SAMD5: variants seen among roughly 807,000 people sequenced by gnomAD.
The protein encoded by SAMD5 is sterile alpha motif domain-containing protein 5.
A neutral mutation model predicts 11.3 loss-of-function variants in SAMD5; 13 were observed. The ratio of observed to expected loss-of-function variants is 1.15; its 90% CI spans 0.75 to 1.83. SAMD5 has a LOEUF of 1.83. Ranked by LOEUF, SAMD5 falls within the 40% of genes most tolerant of loss-of-function variation. SAMD5 has a pLI of 0.00. For synonymous variants in SAMD5, 129 were observed against 111.3 expected (o/e 1.16, Z -1.00); for missense variants, 255 against 239.1 (o/e 1.07, Z -0.44).
the SAMD5 span, among the ~76,000 whole-genome samples, chr6:147,831,453 G>A: frequency 2.0e-5 from 3 of 152,086 alleles, no homozygotes; most frequent in Non-Finnish European, 4.4e-5. Flanking sequence ...AACATCTCAC[G>A]GCTTAAGATG....
chr6:147,863,636 C>A, the SAMD5 span, among the ~76,000 whole-genome samples: 2 of 151,316 alleles, frequency 1.3e-5, no homozygotes, highest in Non-Finnish European at 2.9e-5. Flanking sequence ...TTTTTTCAGG[C>A]AGACATTTAT....
the SAMD5 span, among the ~76,000 whole-genome samples, chr6:147,758,441 A>C: frequency 1.3e-5 from 2 of 152,244 alleles, no homozygotes; most frequent in African/African-American, 4.8e-5. Flanking sequence ...CTTCATAAAG[A>C]AATGAGGCAT....
chr6:147,643,666 C>G (rs929446016), intron 1 of SAMD5, among the ~76,000 whole-genome samples: 2 of 150,294 alleles, frequency 1.3e-5, no homozygotes, highest in Non-Finnish European at 2.9e-5. Flanking sequence ...TTTTGTTACT[C>G]AGAATTTGGT....
At chr6:147,796,169 A>C in the SAMD5 span, among the ~76,000 whole-genome samples, 2 of 150,420 alleles carry the variant, frequency 1.3e-5, no homozygotes, top group Non-Finnish European at 2.9e-5. Context: ...GGTAATGCCT[A>C]GGTTTTCTTC....
At chr6:147,787,287 A>G in the SAMD5 span, among the ~76,000 whole-genome samples, 1 of 152,184 alleles carries the variant, frequency 6.6e-6, no homozygotes, top group Admixed American at 6.5e-5. Context: ...ATGGAGCAGG[A>G]CAGTGCCTCT....
At chr6:147,630,931 G>A (rs114095415) in intron 1 of SAMD5, among the ~76,000 whole-genome samples, 5,670 of 151,546 alleles carry the variant, frequency 0.037, 135 homozygotes, top group South Asian at 0.056. Flanking sequence ...TAATCACTGC[G>A]GGGATGCCTG....
the SAMD5 span, among the ~76,000 whole-genome samples, chr6:147,933,670 T>C: frequency 6.6e-6 from 1 of 152,144 alleles, no homozygotes; most frequent in African/African-American, 2.4e-5. Flanking sequence ...TCTCAAAATA[T>C]CCTAGAGTAA....
At chr6:147,770,257 T>G in the SAMD5 span, among the ~76,000 whole-genome samples, 1 of 143,490 alleles carries the variant, frequency 7.0e-6, no homozygotes, top group Non-Finnish European at 1.5e-5. Flanking sequence ...TACTTTAATT[T>G]TTTTTAAAAA....
At chr6:147,660,603 C>T (rs1322294326) in intron 1 of SAMD5, 1 of 152,208 alleles carries the variant, frequency 6.6e-6, no homozygotes, top group African/African-American at 2.4e-5. Flanking sequence ...GTAATTGGAT[C>T]ATAAGGGCGG....
intron 1 of SAMD5, among the ~76,000 whole-genome samples, chr6:147,685,572 C>A (rs56364049): frequency 0.049 from 7,442 of 152,222 alleles, 272 homozygotes; most frequent in Non-Finnish European, 0.075. Context: ...GATAACTTTG[C>A]CTTCTTGGAG....
chr6:147,804,111 CTTTT>C, the SAMD5 span, among the ~76,000 whole-genome samples: 6 of 132,104 alleles, frequency 4.5e-5, no homozygotes, highest in East Asian at 2.2e-4. Flanking sequence ...TTGAAGATAT[CTTTT>C]TTTTTTTTTT....
intron 1 of SAMD5, among the ~76,000 whole-genome samples, chr6:147,698,813 A>G (rs909112195): frequency 4.6e-5 from 7 of 152,210 alleles, no homozygotes; most frequent in Non-Finnish European, 8.8e-5. Flanking sequence ...ATTAAACAGG[A>G]TGCTCTATGG....
At chr6:147,593,432 C>A (rs1336537425) in intron 1 of SAMD5, among the ~76,000 whole-genome samples, 5 of 152,134 alleles carry the variant, frequency 3.3e-5, no homozygotes, top group African/African-American at 1.2e-4. Flanking sequence ...GAAAGGCCAT[C>A]TGTTCAAAAA....
chr6:147,880,359 G>GCA, the SAMD5 span, among the ~76,000 whole-genome samples: 4 of 150,040 alleles, frequency 2.7e-5, no homozygotes, highest in Admixed American at 6.7e-5. Context: ...GGTCTCTCTT[G>GCA]CACACACACA....
chr6:147,622,090 C>A (rs1789979523), intron 1 of SAMD5, among the ~76,000 whole-genome samples: 1 of 152,172 alleles, frequency 6.6e-6, no homozygotes. Flanking sequence ...GTCTCTCTCA[C>A]CAGCTGGAGC....
intron 1 of SAMD5, among the ~76,000 whole-genome samples, chr6:147,538,126 C>A (rs887906330): frequency 6.6e-6 from 1 of 152,086 alleles, no homozygotes; most frequent in Admixed American, 6.6e-5. Flanking sequence ...TTTAAGAAAA[C>A]CCTGTTATTT....
At chr6:147,612,443 A>T (rs973161721) in intron 1 of SAMD5, among the ~76,000 whole-genome samples, 5 of 152,158 alleles carry the variant, frequency 3.3e-5, no homozygotes, top group African/African-American at 1.2e-4. Context: ...TGATTTAAAA[A>T]CCAAAACCTA....
rs1178061459 is a variant in SAMD5 at position 147,533,821 on chromosome 6, C to CT, written c.459+24439dup. ...TCCTTTTTTCTTGGGGGACTTTAGT[C>CT]TTTTTCTCTTAAGGCCACCAACTGA... On this transcript the variant is annotated intron_variant, in intron 1 of 1. Coordinates refer to ENST00000367474, the MANE Select transcript of SAMD5 (RefSeq NM_001030060.3). Among the ~76,000 whole-genome samples, 16 of 152,280 alleles carry CT rather than the reference C, an allele frequency of 1.1e-4. 1 individual carries two copies. The highest frequency in any genetic ancestry group is 3.1e-4 in the African/African-American group (13 of 41,552).
the SAMD5 span, among the ~76,000 whole-genome samples, chr6:147,746,574 GC>G: frequency 1.5e-4 from 23 of 152,200 alleles, no homozygotes; most frequent in Non-Finnish European, 2.4e-4. Flanking sequence ...AGATGAGAAA[GC>G]AGTGTGAGAG....
Sources: gnomAD v4.1 joint callset for allele counts (sites outside exome capture counted in the v4.1 genomes callset) on GRCh38, gnomAD v4.1.1 for gene constraint, MANE v1.5 for transcripts, NCBI Gene and HGNC (gene_info 2026-07-23, HGNC 2026-07-21) for gene names.